Variants in BRF1 observed in about 807,000 individuals in gnomAD.
BRF1 encodes the protein transcription factor IIIB 90 kDa subunit.
BRF1 carries 59 observed loss-of-function variants against 81.7 expected under a neutral mutation model. That is an observed-to-expected ratio of 0.72 (90% CI 0.59 to 0.90). The LOEUF (loss-of-function observed/expected upper bound fraction) is 0.90, where lower values mean the gene tolerates loss of function less well. BRF1 is among the 40% of genes least tolerant of loss of function. The pLI is 0.00. For missense variants in BRF1, 1,050 were observed against 936.3 expected, an observed-to-expected ratio of 1.12 and a Z score of -1.58; for synonymous variants, 491 against 395.6, an observed-to-expected ratio of 1.24 and a Z score of -2.86.
chr14:105,210,676 C>T lies in BRF1; in HGVS notation c.1997-88G>A. ...AACCCGCCCTGTTCCTGGTGCCCCC[C>T]TAGAAGACTCAGGCTCCAGCCCCAG... On this transcript the variant is annotated intron_variant, in intron 17 of 17. Coordinates refer to ENST00000547530, the MANE Select transcript of BRF1 (RefSeq NM_001519.4). The surrounding 1 kb of genome is among the most constrained non-coding windows in gnomAD (Gnocchi z 4.7). The T allele has an allele frequency of 6.9e-7, 1 of 1,456,742 alleles. No homozygotes were observed. The highest frequency in any genetic ancestry group is 1.2e-5 in the South Asian group (1 of 82,672). 90.2% of individuals were successfully genotyped at this position (1,456,742 alleles called of 1,614,324 possible). A position where few individuals can be genotyped will look rare whatever the true frequency, so the allele number is the denominator to read the frequency against.
chr14:105,225,297 C>T (rs1261525589), intron 10 of BRF1, among the ~76,000 whole-genome samples: 1 of 152,224 alleles, frequency 6.6e-6, no homozygotes, highest in Non-Finnish European at 1.5e-5. Context: ...TTCTAAGCCC[C>T]ACAACCAACC....
intron 1 of BRF1, among the ~76,000 whole-genome samples, chr14:105,291,969 G>C (rs587674619): frequency 1.8e-4 from 27 of 152,136 alleles, no homozygotes; most frequent in African/African-American, 6.0e-4. Flanking sequence ...TTGCACTCCA[G>C]CCTGGGCAAC....
upstream of BRF1, among the ~76,000 whole-genome samples, chr14:105,302,031 C>G (rs587762984): frequency 1.3e-5 from 2 of 151,942 alleles, no homozygotes; most frequent in East Asian, 3.9e-4. Flanking sequence ...CCCAGCTACT[C>G]GCGAGTCTGA....
chr14:105,246,710 G>A (rs2055138727), intron 5 of BRF1, among the ~76,000 whole-genome samples: 1 of 151,490 alleles, frequency 6.6e-6, no homozygotes, highest in South Asian at 2.1e-4. Context: ...GCCCACCTTG[G>A]CCTCCCAAAG....
At chr14:105,229,419 G>C (rs587680427) in intron 6 of BRF1, among the ~76,000 whole-genome samples, 13 of 152,352 alleles carry the variant, frequency 8.5e-5, no homozygotes, top group African/African-American at 2.6e-4. Flanking sequence ...AGGGATGCCG[G>C]TACCTGGCCT....
chr14:105,282,132 G>T (rs968106354), intron 2 of BRF1, among the ~76,000 whole-genome samples: 4 of 152,158 alleles, frequency 2.6e-5, no homozygotes, highest in African/African-American at 7.2e-5. Context: ...GGTGGACCCG[G>T]AGCAGATGCT....
At chr14:105,304,493 TAAATAAAATA>T (rs60177512), upstream of BRF1, among the ~76,000 whole-genome samples, 2 of 151,782 alleles carry the variant, frequency 1.3e-5, no homozygotes, top group South Asian at 2.1e-4. Context: ...CATCTCACAA[TAAATAAAATA>T]AAATAAAATA....
At chr14:105,251,904 T>C (rs2055637261) in intron 5 of BRF1, among the ~76,000 whole-genome samples, 1 of 151,956 alleles carries the variant, frequency 6.6e-6, no homozygotes, top group African/African-American at 2.4e-5. Flanking sequence ...GGACTTACCC[T>C]ACACCTAACA....
chr14:105,292,259 C>A (rs149997124), intron 1 of BRF1, among the ~76,000 whole-genome samples: 1 of 152,198 alleles, frequency 6.6e-6, no homozygotes, highest in Non-Finnish European at 1.5e-5. Context: ...TCTTGGCTCA[C>A]TGCAACCTCC....
In BRF1 at chr14:105,209,732, T is replaced by C; in HGVS notation, c.*819A>G. 1.6e-6 allele frequency: 1 copy of C among 607,848 alleles called. No homozygotes were observed. Among genetic ancestry groups the C allele is most frequent in the Non-Finnish European group, 3.0e-6 (1 of 338,480 alleles). 37.7% of individuals were successfully genotyped at this position (607,848 alleles called of 1,614,324 possible). Reference sequence around the variant, plus strand: ...CGGGGAACTCCCAGCGCCAGGACACTATGCAGGCTATGCCCGCACTGCCTA... The same window carrying C: ...CGGGGAACTCCCAGCGCCAGGACACCATGCAGGCTATGCCCGCACTGCCTA... On this transcript the variant is annotated 3_prime_UTR_variant, in exon 18 of 18. Transcript: ENST00000547530.
chr14:105,313,127 C>G (rs976968766), intron 1 of BRF1, among the ~76,000 whole-genome samples: 1 of 152,138 alleles, frequency 6.6e-6, no homozygotes, highest in Non-Finnish European at 1.5e-5. Flanking sequence ...CTCACTTGAC[C>G]CCCAGTTGTA....
At chr14:105,217,127 C>T (rs1891458603) in intron 15 of BRF1, 2 of 239,744 alleles carry the variant, frequency 8.3e-6, no homozygotes, top group South Asian at 7.8e-5. Flanking sequence ...ATCCTCCTTC[C>T]TCAGCAGTGT....
chr14:105,300,195 C>A (rs2057941864), intron 1 of BRF1, among the ~76,000 whole-genome samples: 1 of 152,262 alleles, frequency 6.6e-6, no homozygotes, highest in African/African-American at 2.4e-5. Context: ...TCTCTTCAAC[C>A]CTCCCTGTGC....
intron 5 of BRF1, chr14:105,242,467 T>C (rs1403705652): frequency 6.6e-6 from 1 of 152,076 alleles, no homozygotes; most frequent in African/African-American, 2.4e-5. Context: ...CTGGGCGCGG[T>C]GGCTCACACC....
At chr14:105,247,353 C>T (rs2055191142) in intron 5 of BRF1, 2 of 985,498 alleles carry the variant, frequency 2.0e-6, no homozygotes, top group South Asian at 9.4e-5. Flanking sequence ...TCAAGTTCAG[C>T]CGCCTGGGGG....
Position 105,222,633 on chromosome 14 carries a change from C to CTT in BRF1, c.1049-721_1049-720dup, listed in dbSNP as rs11429509. The CTT allele has an allele frequency of 1.1e-3, 158 of 147,190 alleles. 1 individual carries two copies. Among genetic ancestry groups the CTT allele is most frequent in the Middle Eastern group, 3.5e-3 (1 of 288 alleles). 9.1% of individuals were successfully genotyped at this position (147,190 alleles called of 1,614,324 possible). A position where few individuals can be genotyped will look rare whatever the true frequency, so the allele number is the denominator to read the frequency against. The stretch of plus-strand genomic sequence containing the variant: ...CCCTTTGGAGACAACCTGATCAGTT[C>CTT]TTTTTTTTTTTTTGAGACGGAGTCT... On this transcript the variant is annotated intron_variant, in intron 10 of 17. Transcript: ENST00000547530.
chr14:105,219,390 C>T (rs587659089), intron 12 of BRF1, 158 bp from the exon 13 acceptor site: 35 of 1,437,114 alleles, frequency 2.4e-5, no homozygotes, highest in Middle Eastern at 2.5e-4. Flanking sequence ...CCTCATCGCG[C>T]GGGGCGAGTT....
intron 10 of BRF1, among the ~76,000 whole-genome samples, chr14:105,222,868 T>A (rs1892513912): frequency 6.6e-6 from 1 of 152,142 alleles, no homozygotes. Flanking sequence ...GACCTTGTGA[T>A]CTGCCCACCT....
chr14:105,226,268 T>A lies in BRF1; in HGVS notation c.938A>T (p.Lys313Ile), dbSNP rs747568065. 1.2e-6 allele frequency: 2 copies of A among 1,614,092 alleles called. No homozygotes were observed. The highest frequency in any genetic ancestry group is 1.7e-6 in the Non-Finnish European group (2 of 1,180,044). The change falls in exon 9 of 18, where the codon AAA (lysine) becomes ATA (isoleucine). Residue 313 changes from lysine (K) to isoleucine (I), a missense_variant. Transcript: ENST00000547530. ...TTGGTTACCTTCAACCTCCTCCAGTTTTTTTGACAGGACTTGTTCAAGCTG... is the reference window on the plus strand; with the variant it reads ...TTGGTTACCTTCAACCTCCTCCAGTATTTTTGACAGGACTTGTTCAAGCTG... ...MKQLEQVLSK[K>I]LEEVEGEISS...
Sources: allele counts gnomAD v4.1 joint callset (sites outside exome capture counted in the v4.1 genomes callset), GRCh38; gene constraint gnomAD v4.1.1; non-coding constraint Gnocchi (gnomAD v3.1); transcripts MANE v1.5; gene names NCBI Gene and HGNC (gene_info 2026-07-23, HGNC 2026-07-21).